The following CCNH variants were observed in gnomAD, a reference collection of about 807,000 sequenced individuals.
The protein encoded by CCNH is cyclin H.
Under a neutral mutation model 41.9 loss-of-function variants are expected in CCNH, and 31 were observed. The ratio of observed to expected loss-of-function variants is 0.74; its 90% confidence interval spans 0.56 to 1.00. The LOEUF (loss-of-function observed/expected upper bound fraction) is 1.00, where lower values mean the gene tolerates loss of function less well. CCNH is among the 50% of genes least tolerant of loss of function. The probability of loss-of-function intolerance (pLI) is 0.00; values close to 1 mark genes in which losing one functional copy is unlikely to be tolerated. For missense variants in CCNH, 362 were observed against 388.4 expected (o/e 0.93, Z 0.57); for synonymous variants, 138 against 136.1 (o/e 1.01, Z -0.10).
intron 9 of CCNH, among the ~76,000 whole-genome samples, chr5:87,335,426 T>G (rs971810324): frequency 4.2e-5 from 6 of 142,036 alleles, no homozygotes; most frequent in Admixed American, 1.4e-4. Flanking sequence ...GAGGTTTTTT[T>G]TTTTTTTTTT....
At chr5:87,353,776 G>C (rs559950604) in intron 9 of CCNH, among the ~76,000 whole-genome samples, 27 of 152,214 alleles carry the variant, frequency 1.8e-4, no homozygotes, top group Middle Eastern at 3.4e-3. Flanking sequence ...CTAGACAAAA[G>C]TGAATAGAAT....
chr5:87,356,505 T>G (rs1759661898), intron 9 of CCNH, among the ~76,000 whole-genome samples: 1 of 151,850 alleles, frequency 6.6e-6, no homozygotes, highest in Non-Finnish European at 1.5e-5. Context: ...TCCTCCTGCC[T>G]CAGGCTCCCC....
chr5:87,327,648 C>T (rs73156366), intron 9 of CCNH, among the ~76,000 whole-genome samples: 1 of 152,290 alleles, frequency 6.6e-6, no homozygotes, highest in African/African-American at 2.4e-5. Flanking sequence ...TCAGCCTAAA[C>T]TGTTTTCACA....
downstream of CCNH, chr5:87,390,774 T>C (rs144049668): frequency 1.1e-4 from 173 of 1,584,758 alleles, 2 homozygotes; most frequent in East Asian, 3.8e-3. Context: ...TTTCATTTAT[T>C]TTCATACCAT....
intron 9 of CCNH, among the ~76,000 whole-genome samples, chr5:87,383,146 A>G (rs1761840080): frequency 6.6e-6 from 1 of 152,116 alleles, no homozygotes; most frequent in Non-Finnish European, 1.5e-5. Context: ...GTTCTATTAT[A>G]GACATTTTCA....
At chr5:87,335,332 A>G (rs1201410340) in intron 9 of CCNH, among the ~76,000 whole-genome samples, 2 of 151,512 alleles carry the variant, frequency 1.3e-5, no homozygotes, top group African/African-American at 4.8e-5. Flanking sequence ...TTTGAATTTT[A>G]GACATTCTGT....
At chr5:87,398,979 A>G (rs1232060736) in intron 7 of CCNH, among the ~76,000 whole-genome samples, 4 of 151,866 alleles carry the variant, frequency 2.6e-5, no homozygotes, top group African/African-American at 9.7e-5. Context: ...TCTCAAAGAA[A>G]AAAAAAAAAA....
In CCNH at chr5:87,361,347, G is replaced by A. The variant is rs116183058; in HGVS notation, c.*90+31423C>T. Among the ~76,000 whole-genome samples the A allele has an allele frequency of 9.2e-3, 1,397 of 152,180 alleles. 28 individuals carry two copies. Among genetic ancestry groups the A allele is most frequent in the African/African-American group, 0.031 (1,298 of 41,486 alleles). On this transcript the variant is annotated intron_variant and NMD_transcript_variant, in intron 9 of 9. Coordinates refer to the CCNH transcript ENST00000645953. ...TAGTAATTTTGTAGCATTAACTTGG[G>A]AATAATTCTGAGTAATGATGAAATA...
chr5:87,316,692 G>A (rs1756366776), downstream of CCNH, among the ~76,000 whole-genome samples: 1 of 152,080 alleles, frequency 6.6e-6, no homozygotes, highest in Non-Finnish European at 1.5e-5. Flanking sequence ...TCCCTGTTTT[G>A]GGGGAACTTC....
rs1459643901 is a variant in CCNH at position 87,363,499 on chromosome 5, T to C, written c.*90+29271A>G. 7 of 1,611,220 alleles carry C rather than the reference T, an allele frequency of 4.3e-6. No homozygotes were observed. The highest frequency in any genetic ancestry group is 3.3e-5 in the Admixed American group (2 of 59,944). ...TCTATGTCGTTCATGATAGTCTCTT[T>C]GGCAGGTAAGAGACTGGTTTCCTAT... On this transcript the variant is annotated intron_variant and NMD_transcript_variant, in intron 9 of 9. Transcript: ENST00000645953.
chr5:87,367,631 A>C (rs774498683), intron 9 of CCNH, among the ~76,000 whole-genome samples: 13 of 152,226 alleles, frequency 8.5e-5, no homozygotes, highest in Non-Finnish European at 1.9e-4. Context: ...ACTTAGAAAG[A>C]TGTCTTAGTG....
At chr5:87,412,573 G>A in intron 1 of CCNH, 105 bp downstream of exon 1, 7 of 1,507,414 alleles carry the variant, frequency 4.6e-6, no homozygotes, top group African/African-American at 1.4e-5. Context: ...GCGCCGCAGA[G>A]GCAGAGAAAC....
rs1283530186 is a variant in CCNH, at chr5:87,333,197, G to A, written c.*91-14300C>T. ...ATGTGAATTTTTATTGGCTTTATGT[G>A]GATATACCTCTTTTGACTTTAAGAT... On this transcript the variant is annotated intron_variant and NMD_transcript_variant, in intron 9 of 9. Coordinates refer to the CCNH transcript ENST00000645953. The A allele has an allele frequency of 1.9e-6, 3 of 1,578,326 alleles. No homozygotes were observed. The African/African-American group carries it at 4.1e-5, about 22-fold the overall frequency.
chr5:87,370,849 ATCC>A (rs1186008832), intron 9 of CCNH, among the ~76,000 whole-genome samples: 1 of 152,136 alleles, frequency 6.6e-6, no homozygotes, highest in African/African-American at 2.4e-5. Context: ...TTAAAACTAG[ATCC>A]TAGCGTGAGA....
At chr5:87,329,482 A>G (rs967665098) in intron 9 of CCNH, among the ~76,000 whole-genome samples, 1 of 152,030 alleles carries the variant, frequency 6.6e-6, no homozygotes, top group African/African-American at 2.4e-5. Flanking sequence ...ACCACAAATA[A>G]ACATATATAT....
downstream of CCNH, chr5:87,374,358 T>C: frequency 6.4e-7 from 1 of 1,567,238 alleles, no homozygotes; most frequent in Non-Finnish European, 8.7e-7. Flanking sequence ...TCATTTTCTT[T>C]TACCATATTG....
At chr5:87,406,723 G>A (rs189125309) in intron 4 of CCNH, among the ~76,000 whole-genome samples, 20 of 152,062 alleles carry the variant, frequency 1.3e-4, no homozygotes, top group Admixed American at 5.9e-4. Context: ...TGAAGCCCAG[G>A]AAGCTCTTTC....
chr5:87,369,612 CATTTT>C (rs1760781451), intron 9 of CCNH, among the ~76,000 whole-genome samples: 1 of 151,992 alleles, frequency 6.6e-6, no homozygotes, highest in Non-Finnish European at 1.5e-5. Context: ...ATACTGATAA[CATTTT>C]AATAGTGCTG....
intron 9 of CCNH, among the ~76,000 whole-genome samples, chr5:87,324,615 ACTT>A (rs895479876): frequency 1.2e-4 from 18 of 152,290 alleles, no homozygotes; most frequent in Admixed American, 3.3e-4. Context: ...CTTTGAACTA[ACTT>A]GATCTGAGAT....
Sources: allele counts gnomAD v4.1 joint callset (sites outside exome capture counted in the v4.1 genomes callset), GRCh38; gene constraint gnomAD v4.1.1; transcripts MANE v1.5; gene names NCBI Gene and HGNC (gene_info 2026-07-23, HGNC 2026-07-21).